Variants in DAB1 observed in about 807,000 individuals in gnomAD.
DAB1 encodes disabled homolog 1.
DAB1 carries 15 observed loss-of-function variants against 64.6 expected under a neutral mutation model. The ratio of observed to expected loss-of-function variants is 0.23; its 90% CI spans 0.16 to 0.36. DAB1 has a LOEUF of 0.36. DAB1 is among the 10% of genes least tolerant of loss of function. DAB1 has a pLI of 1.00. For missense variants in DAB1, 596 were observed against 706.7 expected, an observed-to-expected ratio of 0.84 and a Z score of 1.78; for synonymous variants, 235 against 251.9, an observed-to-expected ratio of 0.93 and a Z score of 0.64.
At chr1:58,201,479 C>T (rs962945757) in intron 4 of DAB1, among the ~76,000 whole-genome samples, 3 of 152,084 alleles carry the variant, frequency 2.0e-5, no homozygotes, top group African/African-American at 4.8e-5. Context: ...CCTCACCCCA[C>T]GGGGAGAAAA....
At chr1:57,728,085 T>C (rs1025183502) in intron 6 of DAB1, among the ~76,000 whole-genome samples, 17 of 152,184 alleles carry the variant, frequency 1.1e-4, no homozygotes, top group African/African-American at 4.1e-4. Context: ...GTTAATGATA[T>C]TGATGGTCTA....
intron 6 of DAB1, among the ~76,000 whole-genome samples, chr1:57,756,745 G>T (rs1489045005): frequency 6.6e-6 from 1 of 152,026 alleles, no homozygotes; most frequent in Non-Finnish European, 1.5e-5. Flanking sequence ...TTGAAGTCCA[G>T]AAAGGACAAG....
At chr1:57,590,264 G>A (rs1008758533) in intron 7 of DAB1, among the ~76,000 whole-genome samples, 16 of 151,816 alleles carry the variant, frequency 1.1e-4, no homozygotes. Flanking sequence ...TTGGACTATG[G>A]CCTGAACCTT....
chr1:57,272,680 C>G (rs184236116), intron 2 of DAB1, among the ~76,000 whole-genome samples: 3 of 152,130 alleles, frequency 2.0e-5, no homozygotes, highest in African/African-American at 7.2e-5. Flanking sequence ...ACTCTAAAGA[C>G]AGTAATGCAA....
chr1:57,794,249 A>G (rs1007029737), intron 6 of DAB1, among the ~76,000 whole-genome samples: 3 of 152,210 alleles, frequency 2.0e-5, no homozygotes, highest in African/African-American at 7.2e-5. Context: ...GGAGTGTCAG[A>G]ACAGCCTAGG....
intron 4 of DAB1, among the ~76,000 whole-genome samples, chr1:57,128,808 C>T (rs551733599): frequency 3.9e-4 from 60 of 152,270 alleles, no homozygotes; most frequent in Middle Eastern, 3.4e-3. Flanking sequence ...TGACTTCTCC[C>T]CTGGTGAGCA....
intron 6 of DAB1, among the ~76,000 whole-genome samples, chr1:57,654,444 A>C (rs1032366217): frequency 2.0e-5 from 3 of 152,218 alleles, no homozygotes; most frequent in African/African-American, 7.2e-5. Context: ...AGGAAAGATC[A>C]AAATGGTAAA....
chr1:57,082,600 T>C (rs1652654115), intron 4 of DAB1, among the ~76,000 whole-genome samples: 1 of 152,192 alleles, frequency 6.6e-6, no homozygotes, highest in Non-Finnish European at 1.5e-5. Flanking sequence ...GGTAAAAGTG[T>C]ACCATGGTGG....
chr1:57,053,688 A>ATT (rs61374333), intron 9 of DAB1, among the ~76,000 whole-genome samples: 732 of 71,372 alleles, frequency 0.01, 18 homozygotes, highest in African/African-American at 0.027. Context: ...ATATATATAT[A>ATT]TTTTTTTTTT....
intron 5 of DAB1, among the ~76,000 whole-genome samples, chr1:57,996,613 G>A (rs1646429170): frequency 6.6e-6 from 1 of 152,062 alleles, no homozygotes; most frequent in Non-Finnish European, 1.5e-5. Context: ...AGCATCTTCC[G>A]ACTGTGACAG....
chr1:58,074,564 G>GTGTGTATA lies in DAB1; in HGVS notation n.387+75946_387+75947insTATACACA, dbSNP rs1332531604. 5.6e-4 allele frequency: 51 copies of GTGTGTATA among 91,640 alleles called. 1 individual carries two copies. The highest frequency in any genetic ancestry group is 9.6e-4 in the African/African-American group (22 of 22,956). 5.7% of individuals were successfully genotyped at this position (91,640 alleles called of 1,614,324 possible). A position where few individuals can be genotyped will look rare whatever the true frequency, so the allele number is the denominator to read the frequency against. On this transcript the variant is annotated intron_variant and non_coding_transcript_variant, in intron 5 of 20. Transcript: ENST00000485760. ...TATATACACACATATATATATGTGT[G>GTGTGTATA]TATATATATATATATATATATATAT...
At chr1:57,521,092 A>T (rs1158590753) in intron 7 of DAB1, among the ~76,000 whole-genome samples, 2 of 152,152 alleles carry the variant, frequency 1.3e-5, no homozygotes, top group Non-Finnish European at 2.9e-5. Context: ...TTCAAGAATG[A>T]ACTAGAACCA....
chr1:58,132,423 G>A (rs1006527420), intron 5 of DAB1, among the ~76,000 whole-genome samples: 4 of 152,156 alleles, frequency 2.6e-5, no homozygotes, highest in Admixed American at 1.3e-4. Flanking sequence ...CGTCTTCTGC[G>A]TCGCTCACGC....
intron 1 of DAB1, chr1:58,536,737 T>A: frequency 1.1e-6 from 1 of 872,064 alleles, no homozygotes. Context: ...CATTTCCTTA[T>A]GCCCCTAAAG....
At chr1:58,018,204 C>A (rs998307811) in intron 5 of DAB1, among the ~76,000 whole-genome samples, 1 of 152,072 alleles carries the variant, frequency 6.6e-6, no homozygotes, top group Non-Finnish European at 1.5e-5. Flanking sequence ...CCTGTCTGTA[C>A]CCTGCCCTTA....
chr1:57,211,909 TA>T (rs1291402257), intron 2 of DAB1, among the ~76,000 whole-genome samples: 1 of 152,238 alleles, frequency 6.6e-6, no homozygotes, highest in African/African-American at 2.4e-5. Flanking sequence ...TGCAACACTT[TA>T]TATCAGGGAC....
chr1:57,149,391 G>T (rs545696064), intron 2 of DAB1, among the ~76,000 whole-genome samples: 1 of 152,194 alleles, frequency 6.6e-6, no homozygotes, highest in African/African-American at 2.4e-5. Context: ...TTAACTTTTT[G>T]GAGAACTGTC....
At chr1:57,076,218 C>T (rs751189300) in intron 4 of DAB1, among the ~76,000 whole-genome samples, 6 of 152,094 alleles carry the variant, frequency 3.9e-5, no homozygotes, top group Admixed American at 6.5e-5. Flanking sequence ...CAGGTAGTTC[C>T]GGAGGTGGCT....
intron 2 of DAB1, among the ~76,000 whole-genome samples, chr1:58,524,879 T>C (rs977984739): frequency 3.9e-5 from 6 of 152,216 alleles, no homozygotes; most frequent in African/African-American, 1.2e-4. Flanking sequence ...ATACTCAATT[T>C]ACTGGAGAGA....
Sources: allele counts gnomAD v4.1 joint callset (sites outside exome capture counted in the v4.1 genomes callset), GRCh38; gene constraint gnomAD v4.1.1; transcripts MANE v1.5; gene names NCBI Gene and HGNC (gene_info 2026-07-23, HGNC 2026-07-21).